The following C5 variants were observed in gnomAD, a reference collection of about 807,000 sequenced individuals.
C5 encodes complement C5.
Under a neutral mutation model 218.8 loss-of-function variants are expected in C5, and 140 were observed. The observed-to-expected ratio is 0.64, with a 90% CI of 0.56 to 0.74. The LOEUF (loss-of-function observed/expected upper bound fraction) is 0.74. Ranked by LOEUF, C5 falls within the 30% of genes least tolerant of loss-of-function variation. The pLI, the probability that C5 is intolerant of heterozygous loss-of-function variation, is 0.00. For synonymous variants in C5, 614 were observed against 682.3 expected (o/e 0.90, Z 1.56); for missense variants, 1,700 against 1,969.6 (o/e 0.86, Z 2.59).
chr9:121,030,441 A>T lies in C5; in HGVS notation c.714T>A (p.Ile238=). 6.5e-7 allele frequency: 1 copy of T among 1,545,400 alleles called. No homozygotes were observed. Among genetic ancestry groups the T allele is most frequent in the East Asian group, 2.4e-5 (1 of 41,756 alleles). Residue 238 remains isoleucine (I), a synonymous_variant, in exon 7 of 41, where the codon ATT becomes ATA. Transcript: ENST00000223642. ...CAAAATTCTTAAAGTTCTTGTAACC[A>T]ATGAAATTATATTCTGGCTCGATTG... ...SVSIEPEYNF[I]GYKNFKNFEI...
At chr9:121,044,948 CTT>C (rs1158658235) in intron 2 of C5, among the ~76,000 whole-genome samples, 9 of 127,808 alleles carry the variant, frequency 7.0e-5, no homozygotes, top group Admixed American at 7.9e-5. Context: ...GTAACACTTT[CTT>C]TTTTTTTTTT....
intron 30 of C5, among the ~76,000 whole-genome samples, chr9:120,974,068 A>G (rs1369566861): frequency 6.6e-6 from 1 of 152,234 alleles, no homozygotes; most frequent in Non-Finnish European, 1.5e-5. Flanking sequence ...ATTACTGTAC[A>G]TTTAAATATA....
Position 120,952,449 on chromosome 9 carries a change from G to A in C5, c.*290C>T. 2.8e-6 allele frequency: 1 copy of A among 360,746 alleles called. No individual in the cohort carries two copies. Among genetic ancestry groups the A allele is most frequent in the Non-Finnish European group, 5.3e-6 (1 of 187,454 alleles). 22.3% of individuals were successfully genotyped at this position (360,746 alleles called of 1,614,324 possible). ...TCAATGGACTGTTCTTTCGGCCCCA[G>A]CAAACATTCCTGAGTGGTAGGTTTG... is the stretch of plus-strand genomic sequence containing the variant. On this transcript the variant is annotated 3_prime_UTR_variant, in exon 41 of 41. Coordinates refer to ENST00000223642, the MANE Select transcript of C5 (RefSeq NM_001735.3).
At chr9:120,989,844 A>G in intron 23 of C5, 64 bp from the exon 24 acceptor site, 1 of 1,302,392 alleles carries the variant, frequency 7.7e-7, no homozygotes. Flanking sequence ...TATGTTCTCA[A>G]GAGAGAAGAA....
rs2046826940 is a variant in C5, at chr9:120,961,490, C to T, written c.4580G>A (p.Cys1527Tyr). The change falls in exon 37 of 41, where the codon TGT becomes TAT. Residue 1527 changes from cysteine to tyrosine, a missense_variant. By Grantham distance (194) the Cys-to-Tyr change is radical. Coordinates refer to ENST00000223642, the MANE Select transcript of C5 (RefSeq NM_001735.3). Reference protein sequence around the residue: ...QKVCEGAACKCVEADCGQMQE... With the variant: ...QKVCEGAACKYVEADCGQMQE... ...TGTTAAATAAAGTTTACCTTCTACA[C>T]ACTTGCACGCGGCTCCTTCACAGAC... 1.9e-6 allele frequency: 3 copies of T among 1,606,510 alleles called. No individual in the cohort carries two copies. The highest frequency in any genetic ancestry group is 2.6e-6 in the Non-Finnish European group (3 of 1,173,210).
rs373248692 is a variant in C5, at chr9:121,013,928, G to A, written c.2202C>T (p.Val734=). ...CIKAFTECCV[V]ASQLRANISH... is the part of the protein sequence containing the mutation. ...AGATATTAGCACGGAGCTGGCTTGCGACGACACAACATTCAGTGAAAGCTT... is the reference window on the plus strand; with the variant it reads ...AGATATTAGCACGGAGCTGGCTTGCAACGACACAACATTCAGTGAAAGCTT... Residue 734 remains valine, a synonymous_variant, in exon 17 of 41, where the codon GTC becomes GTT. Coordinates refer to ENST00000223642, the MANE Select transcript of C5 (RefSeq NM_001735.3). 7.4e-6 allele frequency: 12 copies of A among 1,613,988 alleles called. No individual in the cohort carries two copies. The highest frequency in any genetic ancestry group is 1.1e-5 in the South Asian group (1 of 91,088).
At chr9:120,983,784 C>G (rs891905399) in intron 25 of C5, among the ~76,000 whole-genome samples, 2 of 151,496 alleles carry the variant, frequency 1.3e-5, no homozygotes, top group Non-Finnish European at 2.9e-5. Flanking sequence ...TGCATCCAGC[C>G]TGAGTGAGAG....
rs1444885056 is a variant in C5, at chr9:120,997,837, A to G, written c.2563-63T>C. The G allele has an allele frequency of 5.7e-6, 8 of 1,406,078 alleles. No homozygotes were observed. In the Admixed American group the frequency reaches 1.4e-4, roughly 25 times the overall value. 87.1% of individuals were successfully genotyped at this position (1,406,078 alleles called of 1,614,324 possible). A position where few individuals can be genotyped will look rare whatever the true frequency, so the allele number is the denominator to read the frequency against. On this transcript the variant is annotated intron_variant, in intron 20 of 40. Transcript: ENST00000223642. ...TTTTTTTTTGAGACAGAGTCTTGCT[A>G]TGTCGCCCAGGCTGGAGTGCAGCGG...
At chr9:121,035,636 C>A (rs2047517787) in intron 4 of C5, among the ~76,000 whole-genome samples, 1 of 151,164 alleles carries the variant, frequency 6.6e-6, no homozygotes, top group Admixed American at 6.6e-5. Flanking sequence ...GTGGTGTGAT[C>A]ATAGCTCACT....
intron 6 of C5, among the ~76,000 whole-genome samples, chr9:121,031,705 T>G (rs2047475964): frequency 6.6e-6 from 1 of 152,200 alleles, no homozygotes; most frequent in Non-Finnish European, 1.5e-5. Context: ...CATCTTCATC[T>G]GGGAATAATT....
intron 39 of C5, 83 bp from the exon 40 acceptor site, chr9:120,953,951 C>G: frequency 1.4e-6 from 2 of 1,471,212 alleles, no homozygotes. Flanking sequence ...TCTGGTTCCT[C>G]GTGGCTATTG....
intron 10 of C5, among the ~76,000 whole-genome samples, chr9:121,022,812 G>A (rs1000728118): frequency 2.8e-4 from 42 of 151,858 alleles, no homozygotes; most frequent in Non-Finnish European, 1.0e-4. Context: ...AGGAAAAGAA[G>A]GTGAAAGAGA....
upstream of C5, among the ~76,000 whole-genome samples, chr9:121,054,424 A>T (rs1184759097): frequency 2.6e-5 from 4 of 152,102 alleles, no homozygotes; most frequent in African/African-American, 9.7e-5. Context: ...ATATGGTGAA[A>T]CCTCATCTCT....
At chr9:120,981,464 T>C (rs1274211204) in intron 27 of C5, among the ~76,000 whole-genome samples, 1 of 152,204 alleles carries the variant, frequency 6.6e-6, no homozygotes, top group South Asian at 2.1e-4. Context: ...GCTTTCACTA[T>C]AGGATAACAG....
At chr9:120,962,646 G>A in intron 36 of C5, 25 bp downstream of exon 36, 3 of 1,478,442 alleles carry the variant, frequency 2.0e-6, no homozygotes, top group Non-Finnish European at 2.8e-6. Context: ...TTCTTCTGAA[G>A]AAATGTTAGC....
the C5 span, among the ~76,000 whole-genome samples, chr9:121,073,381 A>T: frequency 2.0e-5 from 3 of 152,260 alleles, no homozygotes; most frequent in East Asian, 5.8e-4. Flanking sequence ...GCGTAGAAAG[A>T]AGTATTGCTT....
the C5 span, among the ~76,000 whole-genome samples, chr9:121,061,546 A>C: frequency 6.6e-6 from 1 of 151,978 alleles, no homozygotes; most frequent in African/African-American, 2.4e-5. Context: ...AGACTGTCTC[A>C]AAAAAAAGCC....
chr9:121,020,204 C>CATGT, intron 11 of C5, 25 bp from the exon 12 acceptor site: 1 of 1,476,266 alleles, frequency 6.8e-7, no homozygotes, highest in Non-Finnish European at 9.5e-7. Context: ...TTCAAAAAGA[C>CATGT]ATGTATACTG....
chr9:120,972,293 G>A lies in C5; in HGVS notation c.4018-301C>T, dbSNP rs1188350154. Among the ~76,000 whole-genome samples the A allele has an allele frequency of 3.9e-5, 6 of 152,138 alleles. No homozygotes were observed. In the East Asian group the frequency reaches 1.2e-3, roughly 29 times the overall value. On this transcript the variant is annotated intron_variant, in intron 30 of 40. Transcript: ENST00000223642. The stretch of plus-strand genomic sequence containing the variant: ...ATTTACATATGGCTATGGTAAATCT[G>A]GATCTTCATCTCCTTTTGCCAACTG...
Sources: gnomAD v4.1 joint callset for allele counts (sites outside exome capture counted in the v4.1 genomes callset) on GRCh38, gnomAD v4.1.1 for gene constraint, MANE v1.5 for transcripts, NCBI Gene and HGNC (gene_info 2026-07-23, HGNC 2026-07-21) for gene names.